Variants in NSUN2 observed in about 807,000 individuals in gnomAD.
NSUN2 encodes RNA cytosine C(5)-methyltransferase NSUN2.
In NSUN2, 63 loss-of-function variants were observed where a neutral mutation model predicts 92.7. The observed-to-expected ratio is 0.68, with a 90% CI of 0.56 to 0.84. NSUN2 has a LOEUF of 0.84. NSUN2 is among the 40% of genes least tolerant of loss of function. NSUN2 has a pLI of 0.00. For missense variants in NSUN2, 989 were observed against 964.9 expected (o/e 1.02, Z -0.33); for synonymous variants, 356 against 348.3 (o/e 1.02, Z -0.25).
At chr5:6,615,542 C>G (rs765092708) in intron 9 of NSUN2, among the ~76,000 whole-genome samples, 38 of 152,202 alleles carry the variant, frequency 2.5e-4, no homozygotes, top group Non-Finnish European at 5.1e-4. Flanking sequence ...CCAGAAATGA[C>G]ATCTTTACAG....
chr5:6,614,095 G>GA (rs70937111), intron 9 of NSUN2, among the ~76,000 whole-genome samples: 65 of 34,654 alleles, frequency 1.9e-3, no homozygotes, highest in South Asian at 4.4e-3. Flanking sequence ...GACTGTCTCG[G>GA]AAAAAAAAAA....
In NSUN2 at chr5:6,616,853, G is replaced by A; in HGVS notation, c.895C>T (p.Gln299Ter). Residue 299 changes from glutamine (Q) to a stop codon, truncating the protein, a stop_gained, in exon 9 of 19, where the codon CAG becomes TAG. Coordinates refer to ENST00000264670, the MANE Select transcript of NSUN2 (RefSeq NM_017755.6). LOFTEE classifies it high-confidence loss of function. Reference protein sequence around the residue: ...TLNSLQLHGLQLRIATRGAEQ... With the variant: ...TLNSLQLHGL ...GCCCCGCGTGTTGCAATCCGCAGCT[G>A]TAAGCTAAGGGGAGATATCAGATGA... 3 of 1,612,692 alleles carry A rather than the reference G, an allele frequency of 1.9e-6. No homozygotes were observed. Among genetic ancestry groups the A allele is most frequent in the Non-Finnish European group, 2.5e-6 (3 of 1,179,244 alleles).
intron 7 of NSUN2, among the ~76,000 whole-genome samples, chr5:6,618,445 A>G (rs1263749157): frequency 6.6e-6 from 1 of 152,224 alleles, no homozygotes; most frequent in Non-Finnish European, 1.5e-5. Context: ...TTAAGCTAAT[A>G]TATTAGCTAA....
At chr5:6,614,431 C>T (rs1469201604) in intron 9 of NSUN2, among the ~76,000 whole-genome samples, 1 of 152,172 alleles carries the variant, frequency 6.6e-6, no homozygotes, top group South Asian at 2.1e-4. Context: ...CCTCACTCCC[C>T]CGTGCCTGGG....
At chr5:6,622,682 T>C (rs2126500216) in intron 5 of NSUN2, among the ~76,000 whole-genome samples, 1 of 152,034 alleles carries the variant, frequency 6.6e-6, no homozygotes, top group East Asian at 1.9e-4. Context: ...ACCCCGTCTC[T>C]ACTAAAAATA....
chr5:6,624,977 A>C (rs1403383973), intron 4 of NSUN2, among the ~76,000 whole-genome samples: 1 of 152,146 alleles, frequency 6.6e-6, no homozygotes, highest in African/African-American at 2.4e-5. Flanking sequence ...CCTTAACTGC[A>C]CTCAAGGAAT....
chr5:6,620,532 A>G lies in NSUN2; in HGVS notation c.623-234T>C, dbSNP rs1405778743. ...AGCCTCAAAAGTCATCTATTCAACA[A>G]TTATTCACTTTGTGCCAATTACCAT... On this transcript the variant is annotated intron_variant, in intron 6 of 18. Transcript: ENST00000264670. The G allele has an allele frequency of 3.1e-5, 12 of 383,094 alleles. No homozygotes were observed. In the East Asian group the frequency reaches 4.2e-4, roughly 13 times the overall value. The allele number at this position is 383,094 out of a possible 1,614,324, so 23.7% of individuals were successfully genotyped here. A position where few individuals can be genotyped will look rare whatever the true frequency, so the allele number is the denominator to read the frequency against.
intron 9 of NSUN2, among the ~76,000 whole-genome samples, chr5:6,612,763 C>T (rs1737053945): frequency 6.6e-6 from 1 of 152,236 alleles, no homozygotes; most frequent in Admixed American, 6.5e-5. Context: ...TGCAGGCAAA[C>T]ATGCGGGCTT....
intron 8 of NSUN2, 93 bp from the exon 9 acceptor site, chr5:6,616,950 C>G: frequency 3.5e-6 from 4 of 1,127,956 alleles, no homozygotes; most frequent in Non-Finnish European, 4.9e-6. Context: ...TCATTACAAG[C>G]TTTTATAACA....
At chr5:6,612,695 T>C (rs1164620980) in intron 9 of NSUN2, among the ~76,000 whole-genome samples, 1 of 152,252 alleles carries the variant, frequency 6.6e-6, no homozygotes, top group African/African-American at 2.4e-5. Flanking sequence ...AGCATCGTAC[T>C]GACTTCTGCC....
At chr5:6,627,696 T>G (rs1254382417) in intron 3 of NSUN2, among the ~76,000 whole-genome samples, 2 of 152,222 alleles carry the variant, frequency 1.3e-5, no homozygotes, top group Non-Finnish European at 2.9e-5. Flanking sequence ...AAATGTTTAT[T>G]TCCTCTGGGT....
At chr5:6,619,992 C>T (rs1157996124) in intron 7 of NSUN2, 114 bp downstream of exon 7, 12 of 869,282 alleles carry the variant, frequency 1.4e-5, no homozygotes, top group East Asian at 2.9e-5. Flanking sequence ...TATCTTTCTC[C>T]GCACCCCAAG....
chr5:6,610,410 T>C (rs1341661042), intron 11 of NSUN2, among the ~76,000 whole-genome samples: 1 of 150,710 alleles, frequency 6.6e-6, no homozygotes, highest in Non-Finnish European at 1.5e-5. Flanking sequence ...TCATGACGGC[T>C]GGGCACAGTG....
intron 5 of NSUN2, among the ~76,000 whole-genome samples, 170 bp downstream of exon 5, chr5:6,623,044 G>GAAAAAAA (rs111573762): frequency 6.9e-5 from 5 of 72,956 alleles, no homozygotes; most frequent in South Asian, 4.8e-4. Flanking sequence ...GGACAAAAAA[G>GAAAAAAA]AAAAAAAAAA....
In NSUN2 at chr5:6,632,736, G is replaced by T; in HGVS notation, c.117C>A (p.Pro39=). 1 of 1,613,976 alleles carries T rather than the reference G, an allele frequency of 6.2e-7. No individual in the cohort carries two copies. Among genetic ancestry groups the T allele is most frequent in the Non-Finnish European group, 8.5e-7 (1 of 1,179,934 alleles). The stretch of plus-strand genomic sequence containing the variant: ...ACAGCTTGTTCTCCTTGACGATCTC[G>T]GGGTAGCCTCCTTCCCAGCCCTGAG... The part of the protein sequence containing the change: ...RGEAGWEGGY[P]EIVKENKLFE... The change falls in exon 2 of 19, where the codon CCC becomes CCA. Residue 39 remains proline, a synonymous_variant. Transcript: ENST00000264670.
At chr5:6,605,026 G>A in intron 15 of NSUN2, 1 of 602,522 alleles carries the variant, frequency 1.7e-6, no homozygotes, top group Non-Finnish European at 2.9e-6. Flanking sequence ...CTACACCATG[G>A]CTCACCCCCC....
Position 6,632,605 on chromosome 5 carries a change from T to A in NSUN2, c.248A>T (p.Tyr83Phe). The A allele has an allele frequency of 6.2e-7, 1 of 1,613,970 alleles. No homozygotes were observed. Residue 83 changes from tyrosine (Y) to phenylalanine (F), a missense_variant, in exon 2 of 19, where the codon TAC becomes TTC. Coordinates refer to ENST00000264670, the MANE Select transcript of NSUN2 (RefSeq NM_017755.6). ...PLPATLRITG[Y>F]KSHAKEILHC... ...TCAGGCACTGCCTCCCTACCTTTTG[T>A]AACCAGTAATTCTTAAAGTGGCCGG...
intron 4 of NSUN2, among the ~76,000 whole-genome samples, chr5:6,623,997 A>T (rs977683148): frequency 6.6e-6 from 1 of 152,214 alleles, no homozygotes; most frequent in Non-Finnish European, 1.5e-5. Context: ...CTGCTCCAAC[A>T]CAACCCTACA....
At chr5:6,607,407 T>C in intron 12 of NSUN2, 23 bp from the exon 13 acceptor site, 1 of 1,592,860 alleles carries the variant, frequency 6.3e-7, no homozygotes, top group Non-Finnish European at 8.6e-7. Flanking sequence ...ACAATTTCAT[T>C]GACACACAAA....
Sources: gnomAD v4.1 joint callset for allele counts (sites outside exome capture counted in the v4.1 genomes callset) on GRCh38, gnomAD v4.1.1 for gene constraint, MANE v1.5 for transcripts, NCBI Gene and HGNC (gene_info 2026-07-23, HGNC 2026-07-21) for gene names.